Variants in RBFOX1 observed in about 807,000 individuals in gnomAD.
RBFOX1 encodes the protein RNA binding fox-1 homolog 1, also known as RNA binding protein fox-1 homolog 1.
In RBFOX1, 8 loss-of-function variants were observed where a neutral mutation model predicts 57.7. That is an observed-to-expected ratio of 0.14 (90% CI 0.08 to 0.25). The LOEUF (loss-of-function observed/expected upper bound fraction) is 0.25. RBFOX1 is among the 10% of genes least tolerant of loss of function. The pLI, the probability that RBFOX1 is intolerant of heterozygous loss-of-function variation, is 1.00. For missense variants in RBFOX1, 611 were observed against 548.5 expected, an observed-to-expected ratio of 1.11 and a Z score of -1.14; for synonymous variants, 326 against 222.4, an observed-to-expected ratio of 1.47 and a Z score of -4.15.
chr16:5,872,655 G>C (rs1438355217), intron 4 of RBFOX1, among the ~76,000 whole-genome samples: 2 of 152,080 alleles, frequency 1.3e-5, no homozygotes, highest in African/African-American at 2.4e-5. Flanking sequence ...AGGGTTGCTT[G>C]AGCCCAGGAG....
intron 3 of RBFOX1, among the ~76,000 whole-genome samples, chr16:5,717,957 T>C (rs1162604394): frequency 6.6e-6 from 1 of 152,182 alleles, no homozygotes; most frequent in Non-Finnish European, 1.5e-5. Context: ...TTGATCACAG[T>C]TCTTCACTCT....
intron 2 of RBFOX1, among the ~76,000 whole-genome samples, chr16:6,597,033 G>A (rs1045908204): frequency 6.6e-6 from 1 of 152,094 alleles, no homozygotes; most frequent in Non-Finnish European, 1.5e-5. Context: ...CTTGGTAAAG[G>A]TTTGATTTTC....
chr16:6,856,204 A>G (rs984695599), intron 3 of RBFOX1, among the ~76,000 whole-genome samples: 3 of 151,768 alleles, frequency 2.0e-5, no homozygotes, highest in African/African-American at 4.8e-5. Context: ...AGAACCAGAT[A>G]CTGTGCCAGC....
chr16:7,221,197 C>A (rs1379980210), intron 4 of RBFOX1, among the ~76,000 whole-genome samples: 1 of 151,990 alleles, frequency 6.6e-6, no homozygotes, highest in East Asian at 1.9e-4. Flanking sequence ...AAAACAGCTG[C>A]CTTGTACATT....
At chr16:6,756,218 G>A (rs1308196610) in intron 3 of RBFOX1, among the ~76,000 whole-genome samples, 1 of 152,072 alleles carries the variant, frequency 6.6e-6, no homozygotes, top group African/African-American at 2.4e-5. Flanking sequence ...ATATGGATTG[G>A]GGAAAGGACA....
In RBFOX1 at chr16:5,550,410, C is replaced by G. The variant is rs150891950; in HGVS notation, c.259-48492C>G. On this transcript the variant is annotated intron_variant, in intron 2 of 2. Coordinates refer to the RBFOX1 transcript ENST00000585867. ...GGGCTGTCGTGAGCCACCCTGGGCTCTGATTACCGCTCTGTTGGATCCATC... is the reference window on the plus strand; with the variant it reads ...GGGCTGTCGTGAGCCACCCTGGGCTGTGATTACCGCTCTGTTGGATCCATC... Among the ~76,000 whole-genome samples the G allele has an allele frequency of 2.2e-3, 333 of 152,292 alleles. 3 individuals carry two copies. The highest frequency in any genetic ancestry group is 7.8e-3 in the African/African-American group (323 of 41,554).
At chr16:7,533,126 T>C (rs2152395129) in intron 5 of RBFOX1, among the ~76,000 whole-genome samples, 1 of 152,360 alleles carries the variant, frequency 6.6e-6, no homozygotes, top group Non-Finnish European at 1.5e-5. Context: ...TTACCAAGTG[T>C]ACCCTTTTAC....
At chr16:6,166,515 T>C (rs888926776) in intron 1 of RBFOX1, among the ~76,000 whole-genome samples, 2 of 152,156 alleles carry the variant, frequency 1.3e-5, no homozygotes, top group African/African-American at 4.8e-5. Context: ...GTTTTCTTTT[T>C]CCATGTTGGT....
chr16:5,416,439 CA>C (rs1335270414), intron 1 of RBFOX1, among the ~76,000 whole-genome samples: 1 of 152,066 alleles, frequency 6.6e-6, no homozygotes, highest in Non-Finnish European at 1.5e-5. Context: ...ATTTTTAGTT[CA>C]ACTTTTTCCC....
In RBFOX1 at chr16:6,232,430, A is replaced by AT. The variant is rs149538482; in HGVS notation, c.-126-84558dup. Among the ~76,000 whole-genome samples the AT allele has an allele frequency of 3.0e-4, 46 of 152,206 alleles. No homozygotes were observed. The East Asian group carries it at 8.3e-3, about 28-fold the overall frequency. On this transcript the variant is annotated intron_variant, in intron 1 of 15. Transcript: ENST00000550418. Reference sequence around the variant, plus strand: ...CCGAATGAGAGTAGAATGTTTCAGCATTTTTTTCCTAACATGACAGCCCTT... The same window carrying AT: ...CCGAATGAGAGTAGAATGTTTCAGCATTTTTTTTCCTAACATGACAGCCCTT...
chr16:6,888,639 G>A (rs563115743), intron 3 of RBFOX1, among the ~76,000 whole-genome samples: 2 of 152,158 alleles, frequency 1.3e-5, no homozygotes, highest in South Asian at 4.1e-4. Context: ...TTCCTTGCAG[G>A]TCAGTATTTA....
At chr16:7,055,356 T>A (rs575894657) in intron 4 of RBFOX1, among the ~76,000 whole-genome samples, 2 of 152,066 alleles carry the variant, frequency 1.3e-5, no homozygotes, top group African/African-American at 4.8e-5. Flanking sequence ...AAGCTAAGAG[T>A]TATTTACAAA....
At chr16:6,818,874 T>G in intron 3 of RBFOX1, among the ~76,000 whole-genome samples, 1 of 152,192 alleles carries the variant, frequency 6.6e-6, no homozygotes, top group East Asian at 1.9e-4. Context: ...CTCAGGAATT[T>G]ACATGGAATT....
intron 3 of RBFOX1, among the ~76,000 whole-genome samples, chr16:6,855,422 C>CG (rs1567574310): frequency 6.6e-6 from 1 of 151,900 alleles, no homozygotes; most frequent in African/African-American, 2.4e-5. Context: ...GAGGGTGAGG[C>CG]GGGCGGATCA....
intron 1 of RBFOX1, among the ~76,000 whole-genome samples, chr16:6,168,650 C>A (rs1034699014): frequency 2.0e-5 from 3 of 152,106 alleles, no homozygotes; most frequent in Non-Finnish European, 2.9e-5. Context: ...CTTTCTGATA[C>A]CTGCAATACT....
intron 3 of RBFOX1, among the ~76,000 whole-genome samples, chr16:6,755,631 T>G (rs2075668494): frequency 6.6e-6 from 1 of 152,230 alleles, no homozygotes. Context: ...CTCTTTTAAC[T>G]GTAAGGAATG....
chr16:6,481,672 G>A (rs576617564), intron 2 of RBFOX1, among the ~76,000 whole-genome samples: 1 of 152,298 alleles, frequency 6.6e-6, no homozygotes, highest in East Asian at 1.9e-4. Context: ...GTTGGAAAAT[G>A]TGTCAGGGGA....
At chr16:7,104,745 A>G (rs2063283434) in intron 4 of RBFOX1, among the ~76,000 whole-genome samples, 1 of 152,062 alleles carries the variant, frequency 6.6e-6, no homozygotes, top group African/African-American at 2.4e-5. Context: ...ATTTTCTTCA[A>G]CCACTTCATC....
chr16:6,625,207 G>A (rs907531785), intron 2 of RBFOX1, among the ~76,000 whole-genome samples: 7 of 151,024 alleles, frequency 4.6e-5, no homozygotes, highest in Admixed American at 3.3e-4. Context: ...GGATAGTGGG[G>A]GAGTGGCACA....
Sources: allele counts gnomAD v4.1 joint callset (sites outside exome capture counted in the v4.1 genomes callset), GRCh38; gene constraint gnomAD v4.1.1; transcripts MANE v1.5; gene names NCBI Gene and HGNC (gene_info 2026-07-23, HGNC 2026-07-21).